ZFYVE28: variants seen among roughly 807,000 people sequenced by gnomAD.
The protein encoded by ZFYVE28 is lateral signaling target protein 2 homolog.
In ZFYVE28, 40 loss-of-function variants were observed where a neutral mutation model predicts 82.1. The ratio of observed to expected loss-of-function variants is 0.49; its 90% CI spans 0.38 to 0.63. The LOEUF is 0.63. ZFYVE28 is among the 30% of genes least tolerant of loss of function. The probability of loss-of-function intolerance (pLI) is 0.00; values close to 1 mark genes in which losing one functional copy is unlikely to be tolerated. For missense variants in ZFYVE28, 1,321 were observed against 1,242.1 expected, an observed-to-expected ratio of 1.06 and a Z score of -0.96; for synonymous variants, 612 against 546.1, an observed-to-expected ratio of 1.12 and a Z score of -1.68.
chr4:2,339,653 G>A lies in ZFYVE28; in HGVS notation c.321C>T (p.Cys107=). The change falls in exon 4 of 13, where the codon TGC becomes TGT. Residue 107 remains cysteine, a splice_region_variant and synonymous_variant. Coordinates refer to ENST00000290974, the MANE Select transcript of ZFYVE28 (RefSeq NM_020972.3). The surrounding 1 kb of genome is among the most constrained non-coding windows in gnomAD (Gnocchi z 5.0). The part of the protein sequence containing the change: ...LAGQLWFGAE[C]LAAGSIIMNR... Reference sequence around the variant, plus strand: ...TCATGATGATGGAGCCGGCGGCCAGGCACTGCGGGAGGGGACACACTCAGG... The same window carrying A: ...TCATGATGATGGAGCCGGCGGCCAGACACTGCGGGAGGGGACACACTCAGG... 6.3e-7 allele frequency: 1 copy of A among 1,594,826 alleles called. No homozygotes were observed. The highest frequency in any genetic ancestry group is 8.5e-7 in the Non-Finnish European group (1 of 1,172,030).
chr4:2,315,335 G>A (rs1421270031), intron 7 of ZFYVE28, among the ~76,000 whole-genome samples: 1 of 152,176 alleles, frequency 6.6e-6, no homozygotes, highest in African/African-American at 2.4e-5. Flanking sequence ...GCCCAGGCTA[G>A]AAAGCGGTGG....
At chr4:2,407,341 C>T (rs1732032268) in intron 1 of ZFYVE28, among the ~76,000 whole-genome samples, 1 of 152,088 alleles carries the variant, frequency 6.6e-6, no homozygotes, top group South Asian at 2.1e-4. Context: ...GATTTCGCTC[C>T]ACAGTCCTCC....
At chr4:2,400,436 C>CA (rs1731050680) in intron 1 of ZFYVE28, among the ~76,000 whole-genome samples, 4 of 37,220 alleles carry the variant, frequency 1.1e-4, no homozygotes, top group Admixed American at 4.1e-4. Flanking sequence ...TCTGTCCCAC[C>CA]GCAATTCGAC....
intron 2 of ZFYVE28, among the ~76,000 whole-genome samples, chr4:2,342,148 T>C (rs1465588948): frequency 9.2e-5 from 14 of 152,200 alleles, no homozygotes; most frequent in Admixed American, 8.5e-4. Context: ...AGAGTGCAGT[T>C]ACGTCAAGGC....
intron 2 of ZFYVE28, among the ~76,000 whole-genome samples, chr4:2,349,179 AC>A: frequency 6.6e-6 from 1 of 152,122 alleles, no homozygotes; most frequent in African/African-American, 2.4e-5. Context: ...TGAGATTCAA[AC>A]TTTTGGCAGC....
At chr4:2,302,262 G>T (rs1172992661) in intron 8 of ZFYVE28, among the ~76,000 whole-genome samples, 1 of 152,250 alleles carries the variant, frequency 6.6e-6, no homozygotes, top group African/African-American at 2.4e-5. Flanking sequence ...GGAGAAAAAG[G>T]TTCCTTCAGA....
intron 1 of ZFYVE28, among the ~76,000 whole-genome samples, chr4:2,383,868 C>CTCTCCAGGAGCCA (rs1173901338): frequency 2.0e-5 from 3 of 152,176 alleles, no homozygotes; most frequent in East Asian, 3.9e-4. Context: ...CAGACACTCG[C>CTCTCCAGGAGCCA]TCTCCAGGAG....
intron 7 of ZFYVE28, among the ~76,000 whole-genome samples, chr4:2,306,381 C>G (rs1294717951): frequency 3.3e-5 from 5 of 152,222 alleles, no homozygotes; most frequent in Admixed American, 3.3e-4. Context: ...CTGAATCCAC[C>G]CATGTGAATA....
Position 2,416,683 on chromosome 4 carries a change from G to A in ZFYVE28, c.39+1602C>T, listed in dbSNP as rs556484440. 6.6e-6 allele frequency among the ~76,000 whole-genome samples: 1 copy of A among 152,204 alleles called. No homozygotes were observed. Among genetic ancestry groups the A allele is most frequent in the East Asian group, 1.9e-4 (1 of 5,188 alleles). ...CAGGAGGAGAGGCTGGGCGCAGACG[G>A]CTCGGCCCCAAACCACACCCAGCGC... On this transcript the variant is annotated intron_variant, in intron 1 of 12. Coordinates refer to ENST00000290974, the MANE Select transcript of ZFYVE28 (RefSeq NM_020972.3). The surrounding 1 kb of genome is among the most constrained non-coding windows in gnomAD (Gnocchi z 4.6).
At chr4:2,411,095 G>A (rs962764546) in intron 1 of ZFYVE28, among the ~76,000 whole-genome samples, 12 of 152,166 alleles carry the variant, frequency 7.9e-5, no homozygotes, top group African/African-American at 2.2e-4. Context: ...CCAGGAAGCC[G>A]GTGTAAAATA....
chr4:2,356,000 C>T (rs567347852), intron 1 of ZFYVE28, among the ~76,000 whole-genome samples: 6 of 152,342 alleles, frequency 3.9e-5, no homozygotes, highest in East Asian at 1.9e-4. Flanking sequence ...CTCCCATCTC[C>T]GTCGGGGCCG....
At chr4:2,402,398 A>C (rs3135075) in intron 1 of ZFYVE28, among the ~76,000 whole-genome samples, 3 of 152,042 alleles carry the variant, frequency 2.0e-5, no homozygotes, top group Non-Finnish European at 2.9e-5. Flanking sequence ...CTGGAAGGCC[A>C]TGTCCTGCAG....
At chr4:2,331,201 C>T (rs1720648092) in intron 6 of ZFYVE28, among the ~76,000 whole-genome samples, 2 of 151,438 alleles carry the variant, frequency 1.3e-5, no homozygotes, top group African/African-American at 2.4e-5. Context: ...TGCACAGGTC[C>T]GGTCTGGGAA....
At chr4:2,381,879 G>A (rs2108915009) in intron 1 of ZFYVE28, among the ~76,000 whole-genome samples, 1 of 152,352 alleles carries the variant, frequency 6.6e-6, no homozygotes, top group Non-Finnish European at 1.5e-5. Flanking sequence ...AAGCCCAGAG[G>A]CCTAGGGGAA....
At chr4:2,314,924 C>T (rs977002098) in intron 7 of ZFYVE28, among the ~76,000 whole-genome samples, 1 of 152,068 alleles carries the variant, frequency 6.6e-6, no homozygotes, top group Non-Finnish European at 1.5e-5. Flanking sequence ...GAACTACAGG[C>T]ATGCCACCAT....
chr4:2,340,414 G>A (rs1722601620), intron 3 of ZFYVE28, among the ~76,000 whole-genome samples: 2 of 151,972 alleles, frequency 1.3e-5, no homozygotes, highest in South Asian at 4.1e-4. Context: ...TCACAGGGAG[G>A]CTTGTCTAGA....
At chr4:2,386,062 T>C (rs982930726) in intron 1 of ZFYVE28, among the ~76,000 whole-genome samples, 1 of 152,184 alleles carries the variant, frequency 6.6e-6, no homozygotes, top group Non-Finnish European at 1.5e-5. Context: ...CCACAATTTC[T>C]TCCCTTCCCT....
In ZFYVE28 at chr4:2,305,398, G is replaced by C. The variant is rs143836367; in HGVS notation, c.942C>G (p.Leu314=). 7,090 of 1,612,726 alleles carry C rather than the reference G, an allele frequency of 4.4e-3. 25 individuals are homozygous for C. The highest frequency in any genetic ancestry group is 5.5e-3 in the Non-Finnish European group (6,512 of 1,179,836). Residue 314 remains leucine, a synonymous_variant, in exon 8 of 13, where the codon CTC becomes CTG. Transcript: ENST00000290974. ...TAGCTGAGAGTGGCCCCTCAGGGGG[G>C]AGAGGGGCAGAGAGGGCAGGCGCCA... is the stretch of plus-strand genomic sequence containing the variant. ...AALAPALSAP[L]PPEGPLSAKA... is the part of the protein sequence containing the mutation.
intron 1 of ZFYVE28, among the ~76,000 whole-genome samples, chr4:2,393,991 G>A (rs1730117592): frequency 6.6e-6 from 1 of 152,286 alleles, no homozygotes; most frequent in Non-Finnish European, 1.5e-5. Context: ...GCCTTCTGGA[G>A]GCTCCAGGGA....
Sources: gnomAD v4.1 joint callset for allele counts (sites outside exome capture counted in the v4.1 genomes callset) on GRCh38, gnomAD v4.1.1 for gene constraint, Gnocchi (gnomAD v3.1) non-coding constraint, MANE v1.5 for transcripts, NCBI Gene and HGNC (gene_info 2026-07-23, HGNC 2026-07-21) for gene names.